Variants in RFT1 observed in about 807,000 individuals in gnomAD.
The protein encoded by RFT1 is man(5)GlcNAc(2)-PP-dolichol translocation protein RFT1.
Under a neutral mutation model 62.2 loss-of-function variants are expected in RFT1, and 43 were observed. The ratio of observed to expected loss-of-function variants is 0.69; its 90% CI spans 0.54 to 0.89. The LOEUF (loss-of-function observed/expected upper bound fraction) is 0.89. Among genes scored for constraint, RFT1 ranks in the 40% least tolerant of loss-of-function variants. RFT1 has a pLI of 0.00. For synonymous variants in RFT1, 262 were observed against 264.6 expected, an observed-to-expected ratio of 0.99 and a Z score of 0.10; for missense variants, 605 against 649.9, an observed-to-expected ratio of 0.93 and a Z score of 0.75.
chr3:53,077,119 A>G, the RFT1 span, among the ~76,000 whole-genome samples: 1 of 152,210 alleles, frequency 6.6e-6, no homozygotes, highest in African/African-American at 2.4e-5. Context: ...CTTTAAAACT[A>G]TGTACCATAC....
At chr3:53,126,469 C>T (rs932329651) in intron 1 of RFT1, among the ~76,000 whole-genome samples, 1 of 152,154 alleles carries the variant, frequency 6.6e-6, no homozygotes, top group Non-Finnish European at 1.5e-5. Context: ...TCTCCTCTGC[C>T]TCATAATATC....
the RFT1 span, among the ~76,000 whole-genome samples, chr3:53,082,594 T>G: frequency 7.2e-5 from 11 of 152,250 alleles, no homozygotes; most frequent in Non-Finnish European, 1.0e-4. Flanking sequence ...CCCAGTTGTG[T>G]GGCTCAGGGA....
At chr3:53,107,204 C>T (rs151227030) in intron 7 of RFT1, among the ~76,000 whole-genome samples, 3,167 of 146,616 alleles carry the variant, frequency 0.022, 125 homozygotes, top group African/African-American at 0.076. Context: ...GGCACGATTT[C>T]GGCTCCCTGC....
At chr3:53,077,444 A>C in the RFT1 span, among the ~76,000 whole-genome samples, 21 of 152,350 alleles carry the variant, frequency 1.4e-4, no homozygotes, top group Non-Finnish European at 2.8e-4. Flanking sequence ...GTGGGCAGGG[A>C]AACAAGGCCC....
chr3:53,105,646 G>C (rs1396577039), intron 9 of RFT1, 27 bp downstream of exon 9: 1 of 1,611,684 alleles, frequency 6.2e-7, no homozygotes, highest in Non-Finnish European at 8.5e-7. Context: ...GAATTCACTT[G>C]AGAGATGACA....
At chr3:53,112,743 A>G (rs1206405286) in intron 6 of RFT1, among the ~76,000 whole-genome samples, 1 of 152,180 alleles carries the variant, frequency 6.6e-6, no homozygotes, top group African/African-American at 2.4e-5. Flanking sequence ...AATCTGGCTC[A>G]AAAATAAATA....
At chr3:53,077,535 C>A in the RFT1 span, among the ~76,000 whole-genome samples, 2 of 152,276 alleles carry the variant, frequency 1.3e-5, no homozygotes, top group South Asian at 4.1e-4. Flanking sequence ...GGCAGAGCCC[C>A]TTCCTCGGCT....
chr3:53,099,631 G>A (rs1462548161), intron 10 of RFT1, 145 bp from the exon 11 acceptor site: 2 of 693,902 alleles, frequency 2.9e-6, no homozygotes, highest in Non-Finnish European at 5.2e-6. Context: ...CTAGAGCCCA[G>A]GGTCTTAATA....
rs752158176 is a variant in RFT1, at chr3:53,123,888, A to C, written c.150-48T>G. On this transcript the variant is annotated intron_variant, in intron 2 of 12. Transcript: ENST00000296292. ...AATAAGGTCTCAAGTTTTTTCATAGAGAGAACTTCTGGGATTTTTCCAGCA... is the reference window on the plus strand; with the variant it reads ...AATAAGGTCTCAAGTTTTTTCATAGCGAGAACTTCTGGGATTTTTCCAGCA... The C allele has an allele frequency of 2.7e-6, 4 of 1,477,016 alleles. No homozygotes were observed. The African/African-American group carries it at 4.2e-5, about 15-fold the overall frequency. The allele number at this position is 1,477,016 out of a possible 1,614,324, so 91.5% of individuals were successfully genotyped here. A position where few individuals can be genotyped will look rare whatever the true frequency, so the allele number is the denominator to read the frequency against.
chr3:53,129,235 T>C (rs961506510), intron 1 of RFT1, among the ~76,000 whole-genome samples: 2 of 152,350 alleles, frequency 1.3e-5, no homozygotes, highest in Admixed American at 6.5e-5. Context: ...ATTGACTATT[T>C]TAAAAATACT....
At chr3:53,102,996 C>G (rs532425356) in intron 10 of RFT1, 3 of 607,810 alleles carry the variant, frequency 4.9e-6, no homozygotes, top group Middle Eastern at 8.1e-4. Flanking sequence ...GAGGCCTCCC[C>G]ACAGCTGCCA....
chr3:53,076,832 A>G, the RFT1 span, among the ~76,000 whole-genome samples: 6 of 152,110 alleles, frequency 3.9e-5, no homozygotes, highest in African/African-American at 1.4e-4. Flanking sequence ...TTGTAGTCCC[A>G]GCGACTCGGG....
chr3:53,072,067 GCTGC>G, the RFT1 span, among the ~76,000 whole-genome samples: 1 of 152,214 alleles, frequency 6.6e-6, no homozygotes, highest in Non-Finnish European at 1.5e-5. Context: ...CCTAGAGGCA[GCTGC>G]TCCTGGCGTC....
At chr3:53,123,165 A>G (rs959381601) in intron 3 of RFT1, among the ~76,000 whole-genome samples, 4 of 152,238 alleles carry the variant, frequency 2.6e-5, no homozygotes, top group African/African-American at 9.6e-5. Flanking sequence ...ACTGGGAAAT[A>G]ACCTCAAACC....
rs930515171 is a variant in RFT1, at chr3:53,089,563, G to A, written c.*2340C>T. 3.3e-5 allele frequency: 5 copies of A among 152,292 alleles called. No homozygotes were observed. Among genetic ancestry groups the A allele is most frequent in the African/African-American group, 1.2e-4 (5 of 41,444 alleles). 9.4% of individuals were successfully genotyped at this position (152,292 alleles called of 1,614,324 possible). A position where few individuals can be genotyped will look rare whatever the true frequency, so the allele number is the denominator to read the frequency against. ...GCTGTGGCTCTAGGGGGTCCAGCAG[G>A]GGAAATGCCAGAGGCCTGGTCAGGT... On this transcript the variant is annotated 3_prime_UTR_variant, in exon 13 of 13. Transcript: ENST00000296292.
At chr3:53,112,610 C>G (rs1179480524) in intron 6 of RFT1, among the ~76,000 whole-genome samples, 2 of 152,042 alleles carry the variant, frequency 1.3e-5, no homozygotes, top group Non-Finnish European at 2.9e-5. Context: ...GGGCGTGGTG[C>G]TACGTGTCTG....
chr3:53,109,738 C>T (rs946793830), intron 7 of RFT1, among the ~76,000 whole-genome samples: 3 of 152,098 alleles, frequency 2.0e-5, no homozygotes, highest in Non-Finnish European at 4.4e-5. Flanking sequence ...ATCACTTGAG[C>T]CCGAGAGGTC....
Position 53,092,510 on chromosome 3 carries a change from C to T in RFT1, c.1317G>A (p.Met439Ile). Residue 439 changes from methionine (M) to isoleucine (I), a missense_variant, in exon 12 of 13, where the codon ATG becomes ATA. Met to Ile is a conservative substitution (Grantham distance 10). Transcript: ENST00000296292. ...AAAGGCTCTGCGTGATCCGAATGCCCATGTTAAAGCAGTTGGCCAAGATGA... is the reference window on the plus strand; with the variant it reads ...AAAGGCTCTGCGTGATCCGAATGCCTATGTTAAAGCAGTTGGCCAAGATGA... The part of the protein sequence containing the change: ...VGFILANCFN[M>I]GIRITQSLCF... The T allele has an allele frequency of 3.1e-6, 5 of 1,612,406 alleles. No individual in the cohort carries two copies. The highest frequency in any genetic ancestry group is 4.2e-6 in the Non-Finnish European group (5 of 1,179,596).
chr3:53,083,841 A>G (rs1366495152), downstream of RFT1, among the ~76,000 whole-genome samples: 1 of 152,248 alleles, frequency 6.6e-6, no homozygotes, highest in Non-Finnish European at 1.5e-5. Context: ...TTCTCTCGTC[A>G]TTAGAGAGAT....
Sources: gnomAD v4.1 joint callset for allele counts (sites outside exome capture counted in the v4.1 genomes callset) on GRCh38, gnomAD v4.1.1 for gene constraint, MANE v1.5 for transcripts, NCBI Gene and HGNC (gene_info 2026-07-23, HGNC 2026-07-21) for gene names.